Variants in SPOCK1 observed in about 807,000 individuals in gnomAD.
SPOCK1 encodes SPARC (osteonectin), cwcv and kazal like domains proteoglycan 1.
A neutral mutation model predicts 55.3 loss-of-function variants in SPOCK1; 23 were observed. That is an observed-to-expected ratio of 0.42 (90% CI 0.30 to 0.59). The LOEUF (loss-of-function observed/expected upper bound fraction) is 0.59, where lower values mean the gene tolerates loss of function less well. Ranked by LOEUF, SPOCK1 falls within the 20% of genes least tolerant of loss-of-function variation. SPOCK1 has a pLI of 0.22. For missense variants in SPOCK1, 499 were observed against 552.5 expected (o/e 0.90, Z 0.97); for synonymous variants, 226 against 221.0 (o/e 1.02, Z -0.20).
chr5:137,392,852 A>T (rs1415042080), intron 2 of SPOCK1, among the ~76,000 whole-genome samples: 1 of 152,046 alleles, frequency 6.6e-6, no homozygotes, highest in Non-Finnish European at 1.5e-5. Flanking sequence ...TCCAGCCTCT[A>T]TTCACCCAAA....
At chr5:137,118,587 G>A (rs375224219) in intron 4 of SPOCK1, among the ~76,000 whole-genome samples, 12 of 152,200 alleles carry the variant, frequency 7.9e-5, no homozygotes, top group African/African-American at 2.7e-4. Context: ...AGCCAGGGCC[G>A]ACAGCAAGCA....
At chr5:137,130,328 C>T (rs1482585201) in intron 4 of SPOCK1, among the ~76,000 whole-genome samples, 1 of 152,164 alleles carries the variant, frequency 6.6e-6, no homozygotes, top group African/African-American at 2.4e-5. Flanking sequence ...GCCCACTCAT[C>T]ATAAAACTCC....
chr5:137,044,479 C>A (rs1049050509), intron 6 of SPOCK1, among the ~76,000 whole-genome samples: 2 of 152,142 alleles, frequency 1.3e-5, no homozygotes, highest in Non-Finnish European at 2.9e-5. Context: ...TTGGCTCTGC[C>A]ATTTGCCAGA....
intron 1 of SPOCK1, 184 bp from the exon 2 acceptor site, chr5:137,498,742 T>A: frequency 3.4e-6 from 1 of 298,398 alleles, no homozygotes; most frequent in Non-Finnish European, 5.6e-6. Flanking sequence ...AATGGGGGAC[T>A]CATCTACGAA....
chr5:137,167,502 G>T (rs1754672244), intron 3 of SPOCK1, among the ~76,000 whole-genome samples: 1 of 151,774 alleles, frequency 6.6e-6, no homozygotes, highest in African/African-American at 2.4e-5. Flanking sequence ...TCATCCAATG[G>T]CTGCAGAATA....
chr5:137,449,170 G>A (rs748276199), intron 2 of SPOCK1, among the ~76,000 whole-genome samples: 2 of 152,184 alleles, frequency 1.3e-5, no homozygotes, highest in Non-Finnish European at 2.9e-5. Flanking sequence ...GGTCACAATC[G>A]CAAAGTAGAA....
chr5:137,229,529 A>AG (rs1310477716), intron 3 of SPOCK1, among the ~76,000 whole-genome samples: 15 of 152,180 alleles, frequency 9.9e-5, no homozygotes, highest in African/African-American at 3.4e-4. Flanking sequence ...GCAAGAGGAG[A>AG]GACCCATCTG....
At chr5:137,476,397 AG>A (rs1212588751) in intron 2 of SPOCK1, among the ~76,000 whole-genome samples, 1 of 152,204 alleles carries the variant, frequency 6.6e-6, no homozygotes, top group Non-Finnish European at 1.5e-5. Context: ...AACCATGCAT[AG>A]GTACTATGTA....
At chr5:137,110,639 T>C (rs1436988397) in intron 5 of SPOCK1, among the ~76,000 whole-genome samples, 1 of 152,148 alleles carries the variant, frequency 6.6e-6, no homozygotes, top group Non-Finnish European at 1.5e-5. Flanking sequence ...GAAGTGTGGG[T>C]TTAGTTGAGC....
chr5:136,989,164 G>A (rs1206417370), intron 7 of SPOCK1, among the ~76,000 whole-genome samples: 1 of 152,210 alleles, frequency 6.6e-6, no homozygotes, highest in Admixed American at 6.5e-5. Context: ...AACAAGCCAG[G>A]TGCCTGCCTC....
chr5:137,184,886 C>T (rs2127066487), intron 3 of SPOCK1, among the ~76,000 whole-genome samples: 1 of 152,266 alleles, frequency 6.6e-6, no homozygotes, highest in African/African-American at 2.4e-5. Flanking sequence ...CAAATGTTCT[C>T]AAGCTTGGCT....
At chr5:137,003,431 G>A (rs1751184955) in intron 6 of SPOCK1, among the ~76,000 whole-genome samples, 1 of 152,104 alleles carries the variant, frequency 6.6e-6, no homozygotes, top group Non-Finnish European at 1.5e-5. Flanking sequence ...GTATAAATAT[G>A]TATATTTGTT....
At chr5:137,196,219 T>C (rs1755295866) in intron 3 of SPOCK1, among the ~76,000 whole-genome samples, 1 of 152,098 alleles carries the variant, frequency 6.6e-6, no homozygotes. Context: ...AACCTAAGAC[T>C]AATGTACAGC....
At chr5:137,463,239 C>T (rs1212206444) in intron 2 of SPOCK1, among the ~76,000 whole-genome samples, 1 of 152,178 alleles carries the variant, frequency 6.6e-6, no homozygotes, top group African/African-American at 2.4e-5. Flanking sequence ...ATGTTTGTTG[C>T]AGCACTGTTC....
At chr5:137,198,080 T>C (rs1367586133) in intron 3 of SPOCK1, among the ~76,000 whole-genome samples, 1 of 152,262 alleles carries the variant, frequency 6.6e-6, no homozygotes, top group Non-Finnish European at 1.5e-5. Flanking sequence ...ATTGGGGTCA[T>C]GTGATATAAA....
chr5:137,288,811 C>A (rs13163000), intron 2 of SPOCK1, among the ~76,000 whole-genome samples: 21,430 of 152,186 alleles, frequency 0.14, 1,708 homozygotes, highest in Admixed American at 0.2. Flanking sequence ...TAGTAAACAA[C>A]TTTAAAAGCC....
At chr5:137,094,852 A>C (rs1456744853) in intron 5 of SPOCK1, among the ~76,000 whole-genome samples, 1 of 152,254 alleles carries the variant, frequency 6.6e-6, no homozygotes, top group Non-Finnish European at 1.5e-5. Flanking sequence ...GCTTGGCACA[A>C]GAGGCCTGGC....
intron 5 of SPOCK1, among the ~76,000 whole-genome samples, chr5:137,085,474 G>A (rs774256509): frequency 6.6e-6 from 1 of 152,186 alleles, no homozygotes; most frequent in Non-Finnish European, 1.5e-5. Context: ...GAAGGAAGCG[G>A]GGACTGATAG....
intron 2 of SPOCK1, chr5:137,313,347 G>C (rs1039975148): frequency 1.1e-6 from 1 of 919,466 alleles, no homozygotes; most frequent in African/African-American, 1.8e-5. Flanking sequence ...TGGGCACACA[G>C]AAGAGCCAGA....
Sources: gnomAD v4.1 joint callset for allele counts (sites outside exome capture counted in the v4.1 genomes callset) on GRCh38, gnomAD v4.1.1 for gene constraint, MANE v1.5 for transcripts, NCBI Gene and HGNC (gene_info 2026-07-23, HGNC 2026-07-21) for gene names.